Variants in CNTNAP4 observed in about 807,000 individuals in gnomAD.
CNTNAP4 encodes contactin associated protein family member 4.
A neutral mutation model predicts 148.4 loss-of-function variants in CNTNAP4; 98 were observed. The ratio of observed to expected loss-of-function variants is 0.66; its 90% CI spans 0.56 to 0.78. CNTNAP4 has a LOEUF of 0.78. Ranked by LOEUF, CNTNAP4 falls within the 30% of genes least tolerant of loss-of-function variation. The pLI, the probability that CNTNAP4 is intolerant of heterozygous loss-of-function variation, is 0.00. For synonymous variants in CNTNAP4, 730 were observed against 565.1 expected (o/e 1.29, Z -4.14); for missense variants, 1,935 against 1,565.6 (o/e 1.24, Z -3.98).
At chr16:76,377,022 A>G (rs1370409286) in intron 3 of CNTNAP4, among the ~76,000 whole-genome samples, 3 of 151,542 alleles carry the variant, frequency 2.0e-5, no homozygotes, top group Non-Finnish European at 4.4e-5. Flanking sequence ...TGGCTCGTGC[A>G]ATCGACAGGC....
At chr16:76,375,041 T>G (rs1240686888) in intron 3 of CNTNAP4, among the ~76,000 whole-genome samples, 4 of 152,064 alleles carry the variant, frequency 2.6e-5, no homozygotes, top group Non-Finnish European at 5.9e-5. Flanking sequence ...AATGCTGGGA[T>G]TACAGGCGTC....
intron 8 of CNTNAP4, among the ~76,000 whole-genome samples, chr16:76,457,321 T>C (rs2143332894): frequency 6.6e-6 from 1 of 152,338 alleles, no homozygotes. Flanking sequence ...AAATTCCAAT[T>C]GACAGGTATT....
intron 2 of CNTNAP4, among the ~76,000 whole-genome samples, chr16:76,325,733 CA>C (rs1290331071): frequency 4.6e-5 from 7 of 151,720 alleles, no homozygotes; most frequent in African/African-American, 1.7e-4. Context: ...AAAAGAACAA[CA>C]AATTAAGCCA....
chr16:76,358,896 A>G (rs1443615765), intron 3 of CNTNAP4, among the ~76,000 whole-genome samples: 5 of 152,026 alleles, frequency 3.3e-5, no homozygotes, highest in Admixed American at 6.6e-5. Context: ...ATATATATGT[A>G]TGTATGTGTA....
chr16:76,343,115 T>A (rs984221166), intron 2 of CNTNAP4, among the ~76,000 whole-genome samples: 2 of 151,646 alleles, frequency 1.3e-5, no homozygotes, highest in African/African-American at 4.8e-5. Context: ...TTTTTTTTTT[T>A]GGTCCACCTT....
intron 3 of CNTNAP4, among the ~76,000 whole-genome samples, chr16:76,407,249 G>A (rs1458427565): frequency 1.3e-5 from 2 of 152,022 alleles, no homozygotes; most frequent in Non-Finnish European, 2.9e-5. Context: ...AAGCCTACCG[G>A]GCTCAAATAG....
intron 2 of CNTNAP4, among the ~76,000 whole-genome samples, chr16:76,326,562 T>A (rs1478607435): frequency 1.3e-5 from 2 of 152,034 alleles, no homozygotes; most frequent in African/African-American, 2.4e-5. Flanking sequence ...TGTCCAACAA[T>A]GATAGACTGG....
chr16:76,386,180 C>T (rs1436804088), intron 3 of CNTNAP4, among the ~76,000 whole-genome samples: 1 of 152,080 alleles, frequency 6.6e-6, no homozygotes, highest in Non-Finnish European at 1.5e-5. Flanking sequence ...GGCAAATTCA[C>T]AATACAGTAT....
At chr16:76,411,661 G>A (rs1292844221) in intron 3 of CNTNAP4, among the ~76,000 whole-genome samples, 5 of 151,372 alleles carry the variant, frequency 3.3e-5, no homozygotes, top group Non-Finnish European at 5.9e-5. Context: ...GAATTTTAAT[G>A]AGGTATTCTT....
chr16:76,411,672 A>T (rs951337803), intron 3 of CNTNAP4, among the ~76,000 whole-genome samples: 3 of 151,450 alleles, frequency 2.0e-5, no homozygotes, highest in Admixed American at 6.6e-5. Flanking sequence ...AGGTATTCTT[A>T]AAAAAATCTT....
Position 76,467,521 on chromosome 16 carries a change from C to T in CNTNAP4, c.1653C>T (p.Asp551=). Reference sequence around the variant, plus strand: ...AGATAGACTCATGTGGCATCTCAGACAGGTAAGGGCAATCTCACTTCATTT... The same window carrying T: ...AGATAGACTCATGTGGCATCTCAGATAGGTAAGGGCAATCTCACTTCATTT... ...DLQIDSCGIS[D]RCLPNYCEHG... Residue 551 remains aspartate, a splice_region_variant and synonymous_variant, in exon 10 of 24, where the codon GAC becomes GAT. Coordinates refer to ENST00000611870, the MANE Select transcript of CNTNAP4 (RefSeq NM_033401.5). 6.3e-7 allele frequency: 1 copy of T among 1,596,990 alleles called. No individual in the cohort carries two copies. Among genetic ancestry groups the T allele is most frequent in the Non-Finnish European group, 8.5e-7 (1 of 1,172,662 alleles).
intron 18 of CNTNAP4, among the ~76,000 whole-genome samples, chr16:76,536,359 C>A (rs2084212223): frequency 6.6e-6 from 1 of 151,968 alleles, no homozygotes; most frequent in Non-Finnish European, 1.5e-5. Context: ...CTATGCCCAG[C>A]TAATTGTTGT....
In CNTNAP4 at chr16:76,447,995, A is replaced by T; in HGVS notation, c.539-17A>T. On this transcript the variant is annotated splice_polypyrimidine_tract_variant and intron_variant, in intron 4 of 23. Transcript: ENST00000611870. ...GATATTTATCCTTAGAATGCCTTCT[A>T]CTATCTTTGTTTCTAGGATCAGAAG... 6.4e-7 allele frequency: 1 copy of T among 1,574,366 alleles called. No homozygotes were observed. The highest frequency in any genetic ancestry group is 8.7e-7 in the Non-Finnish European group (1 of 1,145,696).
At chr16:76,422,430 G>A (rs1056744831) in intron 3 of CNTNAP4, among the ~76,000 whole-genome samples, 1 of 152,220 alleles carries the variant, frequency 6.6e-6, no homozygotes, top group South Asian at 2.1e-4. Context: ...GTCTATAAAA[G>A]TCAGCTGGTG....
At chr16:76,454,482 TATG>T (rs2080645317) in intron 8 of CNTNAP4, among the ~76,000 whole-genome samples, 1 of 152,218 alleles carries the variant, frequency 6.6e-6, no homozygotes, top group African/African-American at 2.4e-5. Context: ...TCTGACTTGG[TATG>T]ATTATTTTCA....
intron 1 of CNTNAP4, among the ~76,000 whole-genome samples, chr16:76,305,461 AAGTTG>A (rs1960384756): frequency 6.6e-6 from 1 of 151,958 alleles, no homozygotes; most frequent in Non-Finnish European, 1.5e-5. Flanking sequence ...TGTTTTTTCT[AAGTTG>A]AGTGCTACGT....
chr16:76,547,646 A>G (rs1417998471), intron 21 of CNTNAP4, among the ~76,000 whole-genome samples: 3 of 152,186 alleles, frequency 2.0e-5, no homozygotes, highest in Non-Finnish European at 4.4e-5. Flanking sequence ...TTTTTATGTT[A>G]TAGGAGTTTT....
intron 1 of CNTNAP4, 99 bp downstream of exon 1, chr16:76,277,846 C>T: frequency 1.3e-6 from 1 of 779,544 alleles, no homozygotes; most frequent in Non-Finnish European, 2.2e-6. Flanking sequence ...GGGATTGCTG[C>T]AAAGCGTATT....
At chr16:76,321,075 T>C (rs1198217966) in intron 2 of CNTNAP4, among the ~76,000 whole-genome samples, 1 of 152,224 alleles carries the variant, frequency 6.6e-6, no homozygotes, top group Non-Finnish European at 1.5e-5. Context: ...TATTTCCTGA[T>C]GTTAAAAATT....
Sources: gnomAD v4.1 joint callset for allele counts (sites outside exome capture counted in the v4.1 genomes callset) on GRCh38, gnomAD v4.1.1 for gene constraint, MANE v1.5 for transcripts, NCBI Gene and HGNC (gene_info 2026-07-23, HGNC 2026-07-21) for gene names.